KANK1: variants seen among roughly 807,000 people sequenced by gnomAD.
The protein encoded by KANK1 is KN motif and ankyrin repeat domains 1, also known as KN motif and ankyrin repeat domain-containing protein 1.
KANK1 carries 109 observed loss-of-function variants against 106.2 expected under a neutral mutation model. The observed-to-expected ratio is 1.03, with a 90% CI of 0.88 to 1.20. The LOEUF (loss-of-function observed/expected upper bound fraction) is 1.20. Ranked by LOEUF, KANK1 falls within the 50% of genes most tolerant of loss-of-function variation. KANK1 has a pLI of 0.00. For synonymous variants in KANK1, 873 were observed against 652.2 expected (o/e 1.34, Z -5.16); for missense variants, 2,399 against 1,710.7 (o/e 1.40, Z -7.10).
intron 2 of KANK1, among the ~76,000 whole-genome samples, chr9:691,272 C>A (rs574220590): frequency 3.3e-5 from 5 of 149,802 alleles, no homozygotes; most frequent in South Asian, 4.4e-4. Flanking sequence ...TAAACTCTTA[C>A]CAGAACACAA....
chr9:700,841 A>G (rs534410401), intron 2 of KANK1, among the ~76,000 whole-genome samples: 12 of 152,304 alleles, frequency 7.9e-5, no homozygotes, highest in African/African-American at 2.6e-4. Flanking sequence ...TCAGTCAGTA[A>G]CTGGGCCTAG....
At chr9:577,945 G>T (rs965241045) in intron 1 of KANK1, among the ~76,000 whole-genome samples, 1 of 152,276 alleles carries the variant, frequency 6.6e-6, no homozygotes. Context: ...GCCCCAAAGA[G>T]TGCTAGTTGT....
intron 10 of KANK1, among the ~76,000 whole-genome samples, chr9:743,440 T>C (rs1836244633): frequency 6.6e-6 from 1 of 152,250 alleles, no homozygotes; most frequent in African/African-American, 2.4e-5. Flanking sequence ...AAGAGTTTGT[T>C]AGCTGTGCTG....
At chr9:528,943 G>A (rs903421395) in intron 1 of KANK1, among the ~76,000 whole-genome samples, 1 of 151,966 alleles carries the variant, frequency 6.6e-6, no homozygotes, top group Non-Finnish European at 1.5e-5. Context: ...GGGACTACAG[G>A]TGCATACCAC....
chr9:694,486 G>C (rs762310834), intron 2 of KANK1, among the ~76,000 whole-genome samples: 5 of 152,196 alleles, frequency 3.3e-5, no homozygotes, highest in Non-Finnish European at 7.3e-5. Context: ...ACATTAGAGA[G>C]CAGCATAGTT....
chr9:532,562 C>G (rs1587571923), intron 1 of KANK1, among the ~76,000 whole-genome samples: 1 of 152,086 alleles, frequency 6.6e-6, no homozygotes, highest in South Asian at 2.1e-4. Context: ...CCCCTGGTAA[C>G]AACCATTCTA....
intron 1 of KANK1, among the ~76,000 whole-genome samples, chr9:607,350 C>T (rs969878207): frequency 1.9e-4 from 29 of 151,334 alleles, no homozygotes; most frequent in Non-Finnish European, 1.3e-4. Flanking sequence ...GCTGGTGTGG[C>T]GACGCACACC....
At chr9:606,322 C>T (rs55720619) in intron 1 of KANK1, among the ~76,000 whole-genome samples, 12,835 of 148,588 alleles carry the variant, frequency 0.086, 1,724 homozygotes, top group African/African-American at 0.2. Flanking sequence ...TTTGGGAGGC[C>T]GAGGTGGGCA....
Position 572,266 on chromosome 9 carries a change from C to G in KANK1, c.-84+67512C>G, listed in dbSNP as rs111260258. 7.1e-3 allele frequency among the ~76,000 whole-genome samples: 1,073 copies of G among 151,378 alleles called. 17 individuals are homozygous for G. Among genetic ancestry groups the G allele is most frequent in the African/African-American group, 0.025 (1,022 of 41,240 alleles). ...AAACTCCTGGGCTCAAGGCATCCTCCTGCCTCAGCCTCTTGAACAGCTAGG... is the reference window on the plus strand; with the variant it reads ...AAACTCCTGGGCTCAAGGCATCCTCGTGCCTCAGCCTCTTGAACAGCTAGG... On this transcript the variant is annotated intron_variant, in intron 1 of 11. Coordinates refer to ENST00000382297, the MANE Select transcript of KANK1 (RefSeq NM_015158.5).
intron 1 of KANK1, among the ~76,000 whole-genome samples, chr9:586,666 A>T (rs1046046163): frequency 3.9e-5 from 6 of 152,186 alleles, no homozygotes; most frequent in African/African-American, 1.4e-4. Context: ...ATAGAGTGGT[A>T]TGCATGTGCT....
At chr9:736,910 A>G (rs1486322150) in intron 7 of KANK1, among the ~76,000 whole-genome samples, 2 of 152,050 alleles carry the variant, frequency 1.3e-5, no homozygotes, top group Non-Finnish European at 2.9e-5. Context: ...CTTTTCTTTC[A>G]CTGTTCTCAA....
chr9:713,373 C>G lies in KANK1; in HGVS notation c.2607C>G (p.Thr869=). ...MGSLNSQLIS[T]LSSINSVMKS... is the part of the protein sequence containing the mutation. The stretch of plus-strand genomic sequence containing the variant: ...CCCTCAACTCTCAGCTCATCAGCAC[C>G]CTGTCGTCTATCAACTCTGTCATGA... Residue 869 remains threonine (T), a synonymous_variant, in exon 3 of 12, where the codon ACC becomes ACG. Coordinates refer to ENST00000382297, the MANE Select transcript of KANK1 (RefSeq NM_015158.5). 6.2e-7 allele frequency: 1 copy of G among 1,614,084 alleles called. No individual in the cohort carries two copies. The highest frequency in any genetic ancestry group is 8.5e-7 in the Non-Finnish European group (1 of 1,180,014).
chr9:725,012 C>G (rs1462908895), intron 3 of KANK1, among the ~76,000 whole-genome samples: 1 of 152,078 alleles, frequency 6.6e-6, no homozygotes, highest in Non-Finnish European at 1.5e-5. Flanking sequence ...TAGTGTGAAA[C>G]GTTGTTTGGA....
chr9:532,941 T>G (rs1045900575), intron 1 of KANK1, among the ~76,000 whole-genome samples: 1 of 152,164 alleles, frequency 6.6e-6, no homozygotes, highest in Non-Finnish European at 1.5e-5. Flanking sequence ...GTGGCTGTGC[T>G]TGGAGGCCGG....
chr9:587,580 A>C (rs1321432387), intron 1 of KANK1, among the ~76,000 whole-genome samples: 1 of 152,288 alleles, frequency 6.6e-6, no homozygotes. Flanking sequence ...AAATTGTACT[A>C]TATTATTTTC....
intron 1 of KANK1, among the ~76,000 whole-genome samples, chr9:634,443 T>C (rs891420781): frequency 6.6e-6 from 1 of 152,174 alleles, no homozygotes; most frequent in African/African-American, 2.4e-5. Flanking sequence ...TTAGGTTCTA[T>C]AGTAGTGATG....
intron 1 of KANK1, among the ~76,000 whole-genome samples, chr9:629,751 A>G (rs1203972899): frequency 2.0e-5 from 3 of 152,184 alleles, no homozygotes; most frequent in Non-Finnish European, 4.4e-5. Flanking sequence ...ATACGTATGT[A>G]GAGAGAATTG....
chr9:663,795 TC>T, intron 1 of KANK1, among the ~76,000 whole-genome samples: 1 of 152,310 alleles, frequency 6.6e-6, no homozygotes, highest in African/African-American at 2.4e-5. Flanking sequence ...TTTAACCTGT[TC>T]CTTGGCAGTG....
Position 745,233 on chromosome 9 carries a change from T to A in KANK1, c.4057T>A (p.Ter1353ArgextTer13). ...PGPTHRGSFD[*>R] ...CCCCACCCACCGAGGTTCATTTGATTGATTGTATGCAAATAGCCCTTTATT... is the reference window on the plus strand; with the variant it reads ...CCCCACCCACCGAGGTTCATTTGATAGATTGTATGCAAATAGCCCTTTATT... The change falls in exon 12 of 12, where the codon TGA becomes AGA. Residue 1353 changes from the stop codon to arginine (R), a stop_lost. Transcript: ENST00000382297. 6.2e-7 allele frequency: 1 copy of A among 1,614,098 alleles called. No individual in the cohort carries two copies. The highest frequency in any genetic ancestry group is 8.5e-7 in the Non-Finnish European group (1 of 1,179,984).
Sources: gnomAD v4.1 joint callset for allele counts (sites outside exome capture counted in the v4.1 genomes callset) on GRCh38, gnomAD v4.1.1 for gene constraint, MANE v1.5 for transcripts, NCBI Gene and HGNC (gene_info 2026-07-23, HGNC 2026-07-21) for gene names.